The following TXNDC15 variants were observed in gnomAD, a reference collection of about 807,000 sequenced individuals.
TXNDC15 encodes thioredoxin domain containing 15.
Under a neutral mutation model 35.0 loss-of-function variants are expected in TXNDC15, and 24 were observed. The observed-to-expected ratio is 0.68, with a 90% CI of 0.50 to 0.96. TXNDC15 has a LOEUF of 0.96. Among genes scored for constraint, TXNDC15 ranks in the 40% least tolerant of loss-of-function variants. The pLI is 0.00. For synonymous variants in TXNDC15, 169 were observed against 174.0 expected (o/e 0.97, Z 0.23); for missense variants, 385 against 453.3 (o/e 0.85, Z 1.37).
chr5:134,881,142 T>C (rs113349236), intron 1 of TXNDC15, among the ~76,000 whole-genome samples: 2 of 150,950 alleles, frequency 1.3e-5, no homozygotes, highest in Non-Finnish European at 3.0e-5. Context: ...TTTTTTTTTT[T>C]CCTGTGTGTT....
At chr5:134,880,666 C>G (rs191998996) in intron 1 of TXNDC15, among the ~76,000 whole-genome samples, 1 of 152,096 alleles carries the variant, frequency 6.6e-6, no homozygotes, top group Admixed American at 6.5e-5. Context: ...TGTTCTGGAA[C>G]TCCTGACCTC....
upstream of TXNDC15, chr5:134,874,203 T>G (rs556313782): frequency 1.9e-5 from 10 of 520,126 alleles, no homozygotes; most frequent in Non-Finnish European, 1.7e-5. Context: ...CAAAACGACC[T>G]GCAACGTCTG....
intron 1 of TXNDC15, among the ~76,000 whole-genome samples, chr5:134,880,695 G>A (rs562152892): frequency 3.3e-5 from 5 of 151,918 alleles, no homozygotes; most frequent in Admixed American, 2.6e-4. Context: ...CACCTGCCTC[G>A]GTCTCCCTAA....
In TXNDC15 at chr5:134,893,488, A is replaced by G. The variant is rs941152874; in HGVS notation, c.592-4A>G. 9.9e-6 allele frequency: 16 copies of G among 1,613,910 alleles called. No individual in the cohort carries two copies. The highest frequency in any genetic ancestry group is 1.3e-5 in the African/African-American group (1 of 74,902). ...AACTTTAATGCTTGTTTCTTTTACC[A>G]CAGGACCTTATGGATTTTCTGAACC... On this transcript the variant is annotated splice_polypyrimidine_tract_variant and splice_region_variant and intron_variant, in intron 2 of 4. Coordinates refer to ENST00000358387, the MANE Select transcript of TXNDC15 (RefSeq NM_024715.4).
At chr5:134,899,357 AT>A in intron 4 of TXNDC15, 131 bp from the exon 5 acceptor site, 1 of 699,670 alleles carries the variant, frequency 1.4e-6, no homozygotes. Flanking sequence ...CATCCCATAT[AT>A]TTATATATAT....
In TXNDC15 at chr5:134,893,518, C is replaced by T. The variant is rs553513714; in HGVS notation, c.618C>T (p.Asn206=). 79 of 1,614,198 alleles carry T rather than the reference C, an allele frequency of 4.9e-5. 1 individual carries two copies. In the Middle Eastern group the frequency reaches 2.6e-3, roughly 54 times the overall value. ...SQDLMDFLNP[N]GSDCTLVLFY... ...ACCTTATGGATTTTCTGAACCCAAA[C>T]GGTAGTGACTGTACTCTAGTCCTGT... The change falls in exon 3 of 5, where the codon AAC becomes AAT. Residue 206 remains asparagine (N), a synonymous_variant. Coordinates refer to ENST00000358387, the MANE Select transcript of TXNDC15 (RefSeq NM_024715.4).
In TXNDC15 at chr5:134,874,426, C is replaced by G. The variant is rs1424944049; in HGVS notation, c.-2C>G. 5.0e-6 allele frequency: 8 copies of G among 1,597,246 alleles called. No homozygotes were observed. The highest frequency in any genetic ancestry group is 6.8e-6 in the Non-Finnish European group (8 of 1,175,598). The stretch of plus-strand genomic sequence containing the variant: ...TGCGCCGATTGCCTCTCGGCCTGGG[C>G]AATGGTCCCGGCTGCCGGTCGACGA... On this transcript the variant is annotated 5_prime_UTR_variant, in exon 1 of 5. Coordinates refer to ENST00000358387, the MANE Select transcript of TXNDC15 (RefSeq NM_024715.4).
At chr5:134,896,095 A>G in intron 3 of TXNDC15, 199 bp from the exon 4 acceptor site, 1 of 483,660 alleles carries the variant, frequency 2.1e-6, no homozygotes, top group Non-Finnish European at 3.6e-6. Context: ...CAGATTGCAG[A>G]AAAGGAGTGC....
At chr5:134,888,598 C>T (rs1440423839) in intron 2 of TXNDC15, among the ~76,000 whole-genome samples, 2 of 152,142 alleles carry the variant, frequency 1.3e-5, no homozygotes, top group Admixed American at 6.5e-5. Context: ...ATTTTCCTGC[C>T]TCAGTCTCCC....
chr5:134,878,974 G>A (rs541537103), intron 1 of TXNDC15, among the ~76,000 whole-genome samples: 2 of 152,252 alleles, frequency 1.3e-5, no homozygotes, highest in South Asian at 4.1e-4. Context: ...ACTCCAGCCC[G>A]GACAACAGAG....
intron 2 of TXNDC15, chr5:134,893,026 A>T (rs1333210691): frequency 6.4e-6 from 1 of 156,700 alleles, no homozygotes; most frequent in Admixed American, 6.2e-5. Flanking sequence ...CCAAAATGTG[A>T]CACAGACACA....
At position 134,888,091 on chromosome 5, in the gene TXNDC15, C is replaced by T. The variant is rs1750315552; in HGVS notation, c.500C>T (p.Thr167Ile). Residue 167 changes from threonine (T) to isoleucine (I), a missense_variant, in exon 2 of 5, where the codon ACT (threonine) becomes ATT (isoleucine). Coordinates refer to ENST00000358387, the MANE Select transcript of TXNDC15 (RefSeq NM_024715.4). The part of the protein sequence containing the change: ...DAAPTEDSNN[T>I]ESLKSPKVNC... The stretch of plus-strand genomic sequence containing the variant: ...GCCCCGACAGAGGACTCCAATAACA[C>T]TGAAAGTCTGAAATCCCCAAAGGTG... 6.2e-7 allele frequency: 1 copy of T among 1,614,134 alleles called. No individual in the cohort carries two copies. Among genetic ancestry groups the T allele is most frequent in the Non-Finnish European group, 8.5e-7 (1 of 1,180,030 alleles).
At chr5:134,893,689 C>T (rs367886011) in intron 3 of TXNDC15, 34 bp downstream of exon 3, 22 of 1,612,486 alleles carry the variant, frequency 1.4e-5, no homozygotes, top group Non-Finnish European at 3.4e-6. Flanking sequence ...CGTCCATCCT[C>T]CTGGCTGATG....
chr5:134,899,624 C>T lies in TXNDC15; in HGVS notation c.1022C>T (p.Thr341Ile), dbSNP rs1750562350. 6.2e-7 allele frequency: 1 copy of T among 1,613,656 alleles called. No homozygotes were observed. Among genetic ancestry groups the T allele is most frequent in the South Asian group, 1.1e-5 (1 of 90,948 alleles). Residue 341 changes from threonine (T) to isoleucine (I), a missense_variant, in exon 5 of 5, where the codon ACC (threonine) becomes ATC (isoleucine). Coordinates refer to ENST00000358387, the MANE Select transcript of TXNDC15 (RefSeq NM_024715.4). ...FFLISFIMYATIRTESIRWLI... is the reference protein window; with the variant it reads ...FFLISFIMYAIIRTESIRWLI... Reference sequence around the variant, plus strand: ...TTAATTAGTTTTATTATGTATGCTACCATTCGAACTGAGAGTATTCGGTGG... The same window carrying T: ...TTAATTAGTTTTATTATGTATGCTATCATTCGAACTGAGAGTATTCGGTGG...
At position 134,888,192 on chromosome 5, in the gene TXNDC15, AATT is replaced by A; in HGVS notation, c.591+14_591+16del. On this transcript the variant is annotated intron_variant, in intron 2 of 4. Transcript: ENST00000358387. ...TTTAAATATGTCACAGGTAAGGAAA[AATT>A]ATTTAGTGCTTTTCTCCTTTTCAGT... The A allele has an allele frequency of 6.3e-7, 1 of 1,588,610 alleles. No individual in the cohort carries two copies. The highest frequency in any genetic ancestry group is 1.1e-5 in the South Asian group (1 of 88,142).
intron 1 of TXNDC15, among the ~76,000 whole-genome samples, chr5:134,881,171 TTTTA>T (rs55798762): frequency 2.7e-4 from 33 of 124,308 alleles, no homozygotes; most frequent in South Asian, 1.0e-3. Flanking sequence ...GATAGGTTCT[TTTTA>T]TTTATTTATT....
chr5:134,881,969 C>G (rs1414093372), intron 1 of TXNDC15, among the ~76,000 whole-genome samples: 1 of 149,940 alleles, frequency 6.7e-6, no homozygotes. Context: ...CCCTCCCGGA[C>G]GGGGTGGCTG....
rs781280220 is a variant in TXNDC15, at chr5:134,899,477, T to G, written c.887-12T>G. On this transcript the variant is annotated splice_polypyrimidine_tract_variant and intron_variant, in intron 4 of 4. Coordinates refer to ENST00000358387, the MANE Select transcript of TXNDC15 (RefSeq NM_024715.4). Reference sequence around the variant, plus strand: ...TTTCTGCCTGATTTGAAACCAGTGATTTTTCTTTCAGGTATAGAAGCCAAG... The same window carrying G: ...TTTCTGCCTGATTTGAAACCAGTGAGTTTTCTTTCAGGTATAGAAGCCAAG... 18 of 1,604,640 alleles carry G rather than the reference T, an allele frequency of 1.1e-5. No homozygotes were observed. Among genetic ancestry groups the G allele is most frequent in the Non-Finnish European group, 1.4e-5 (17 of 1,178,110 alleles).
chr5:134,883,594 A>G, intron 1 of TXNDC15, among the ~76,000 whole-genome samples: 1 of 143,914 alleles, frequency 6.9e-6, no homozygotes, highest in Admixed American at 7.0e-5. Context: ...TCTCAAAAAA[A>G]AAAAAAAAAA....
Sources: gnomAD v4.1 joint callset for allele counts (sites outside exome capture counted in the v4.1 genomes callset) on GRCh38, gnomAD v4.1.1 for gene constraint, MANE v1.5 for transcripts, NCBI Gene and HGNC (gene_info 2026-07-23, HGNC 2026-07-21) for gene names.